UBE2D2: variants seen among roughly 807,000 people sequenced by gnomAD.
The protein encoded by UBE2D2 is ubiquitin conjugating enzyme E2 D2, also known as ubiquitin-conjugating enzyme E2 D2.
In UBE2D2, 2 loss-of-function variants were observed where a neutral mutation model predicts 24.2. That is an observed-to-expected ratio of 0.08 (90% confidence interval 0.03 to 0.26). The LOEUF (loss-of-function observed/expected upper bound fraction) is 0.26. Among genes scored for constraint, UBE2D2 ranks in the 10% least tolerant of loss-of-function variants. UBE2D2 has a pLI of 1.00. For synonymous variants in UBE2D2, 58 were observed against 56.5 expected (o/e 1.03, Z -0.12); for missense variants, 44 against 177.6 (o/e 0.25, Z 4.28).
chr5:139,575,352 G>T (rs1387466485), intron 1 of UBE2D2, among the ~76,000 whole-genome samples: 1 of 152,004 alleles, frequency 6.6e-6, no homozygotes, highest in Non-Finnish European at 1.5e-5. Context: ...CAATAATGTT[G>T]ACCTACGGAA....
intron 1 of UBE2D2, chr5:139,562,211 C>G: frequency 7.2e-7 from 1 of 1,380,600 alleles, no homozygotes; most frequent in Non-Finnish European, 9.6e-7. Flanking sequence ...CTTCTCGCCC[C>G]ATTTCTGTTC....
At chr5:139,581,877 C>T (rs1042343724) in intron 1 of UBE2D2, among the ~76,000 whole-genome samples, 14 of 152,232 alleles carry the variant, frequency 9.2e-5, no homozygotes, top group African/African-American at 2.9e-4. Context: ...CTATGTTGGT[C>T]AGGCTGGTTT....
At chr5:139,584,735 G>A (rs1215364538) in intron 1 of UBE2D2, among the ~76,000 whole-genome samples, 1 of 151,534 alleles carries the variant, frequency 6.6e-6, no homozygotes, top group African/African-American at 2.4e-5. Context: ...GTTTCACCAT[G>A]TTGGTCAGGC....
At chr5:139,562,013 G>T in intron 1 of UBE2D2, 198 bp downstream of exon 1, 1 of 875,828 alleles carries the variant, frequency 1.1e-6, no homozygotes, top group Non-Finnish European at 1.6e-6. Flanking sequence ...TAGGCCGGAG[G>T]TGCTCTCGCG....
At chr5:139,613,527 T>C (rs1217185525) in intron 2 of UBE2D2, among the ~76,000 whole-genome samples, 4 of 152,222 alleles carry the variant, frequency 2.6e-5, no homozygotes, top group African/African-American at 4.8e-5. Flanking sequence ...TTATAACTTA[T>C]TAGAAGTATC....
At chr5:139,544,345 T>C (rs552543015) in intron 1 of UBE2D2, among the ~76,000 whole-genome samples, 1 of 151,084 alleles carries the variant, frequency 6.6e-6, no homozygotes, top group East Asian at 2.0e-4. Context: ...TGGAGTGCAA[T>C]GGCGCGATCT....
At chr5:139,623,176 A>T (rs1349194920) in intron 5 of UBE2D2, among the ~76,000 whole-genome samples, 192 bp from the exon 6 acceptor site, 1 of 143,946 alleles carries the variant, frequency 6.9e-6, no homozygotes, top group Non-Finnish European at 1.5e-5. Context: ...CAATTCTGCT[A>T]AAAAAAAAAG....
chr5:139,584,753 G>C (rs777995770), intron 1 of UBE2D2, among the ~76,000 whole-genome samples: 1 of 151,454 alleles, frequency 6.6e-6, no homozygotes, highest in African/African-American at 2.4e-5. Flanking sequence ...GGCTGGTCTC[G>C]AACGCCTGAC....
At chr5:139,560,199 AT>A (rs34150521), upstream of UBE2D2, among the ~76,000 whole-genome samples, 86,929 of 107,230 alleles carry the variant, frequency 0.81, 35,082 homozygotes, top group African/African-American at 0.84. Flanking sequence ...ACTCTCGGCT[AT>A]TTTTTTTTTT....
chr5:139,550,071 C>G (rs1174942571), intron 1 of UBE2D2, among the ~76,000 whole-genome samples: 1 of 152,128 alleles, frequency 6.6e-6, no homozygotes, highest in African/African-American at 2.4e-5. Flanking sequence ...CCAATCAGTG[C>G]TCTGTGTCTA....
chr5:139,614,493 T>C, intron 2 of UBE2D2, 93 bp from the exon 3 acceptor site: 1 of 1,394,408 alleles, frequency 7.2e-7, no homozygotes, highest in East Asian at 2.3e-5. Context: ...TATTTATAAA[T>C]GAATTTGGAT....
intron 1 of UBE2D2, chr5:139,562,260 G>A: frequency 5.1e-6 from 7 of 1,359,480 alleles, no homozygotes; most frequent in Non-Finnish European, 6.8e-6. Flanking sequence ...CCACAAAACC[G>A]CCTGAGCTCG....
intron 1 of UBE2D2, among the ~76,000 whole-genome samples, chr5:139,562,719 GTTA>G (rs1181219402): frequency 6.6e-6 from 1 of 152,046 alleles, no homozygotes; most frequent in Non-Finnish European, 1.5e-5. Context: ...AAAGTGAAGG[GTTA>G]TTTAGTTATC....
chr5:139,584,624 C>G (rs575365561), intron 1 of UBE2D2, among the ~76,000 whole-genome samples: 1 of 144,760 alleles, frequency 6.9e-6, no homozygotes, highest in East Asian at 2.1e-4. Context: ...CCTCTGCCTC[C>G]TGGGTTCCAG....
Position 139,582,710 on chromosome 5 carries a change from G to T in UBE2D2, c.25-17662G>T, listed in dbSNP as rs568175296. ...TTTTGAGACAGAGTCTTGCTCTGTC[G>T]CCCAGGCTGGAGTGCAGTGGCTCAA... is the stretch of plus-strand genomic sequence containing the variant. On this transcript the variant is annotated intron_variant, in intron 1 of 6. Coordinates refer to ENST00000398733, the MANE Select transcript of UBE2D2 (RefSeq NM_003339.3). Among the ~76,000 whole-genome samples the T allele has an allele frequency of 2.3e-5, 3 of 130,858 alleles. No individual in the cohort carries two copies. In the East Asian group the frequency reaches 6.6e-4, roughly 29 times the overall value. 85.8% of individuals were successfully genotyped at this position (130,858 alleles called of 152,430 possible). A position where few individuals can be genotyped will look rare whatever the true frequency, so the allele number is the denominator to read the frequency against.
At chr5:139,604,969 C>A (rs1001667946) in intron 2 of UBE2D2, among the ~76,000 whole-genome samples, 4 of 151,690 alleles carry the variant, frequency 2.6e-5, no homozygotes, top group African/African-American at 9.7e-5. Context: ...GCTAAATGTC[C>A]TTTTGTCATT....
intron 1 of UBE2D2, among the ~76,000 whole-genome samples, chr5:139,592,117 GCTTGAA>G (rs1272131573): frequency 6.6e-6 from 1 of 152,130 alleles, no homozygotes; most frequent in Non-Finnish European, 1.5e-5. Flanking sequence ...CAGGAGAATT[GCTTGAA>G]CTTGGGAAAG....
At chr5:139,611,463 C>T (rs140471869) in intron 2 of UBE2D2, among the ~76,000 whole-genome samples, 1 of 152,206 alleles carries the variant, frequency 6.6e-6, no homozygotes, top group East Asian at 1.9e-4. Context: ...GCTGGGATTA[C>T]AGGCGTGAGC....
chr5:139,624,536 C>T (rs377487792), intron 6 of UBE2D2, among the ~76,000 whole-genome samples: 2 of 152,322 alleles, frequency 1.3e-5, no homozygotes, highest in African/African-American at 4.8e-5. Flanking sequence ...GCCTGTAACC[C>T]CAGCACTTTG....
Sources: gnomAD v4.1 joint callset for allele counts (sites outside exome capture counted in the v4.1 genomes callset) on GRCh38, gnomAD v4.1.1 for gene constraint, MANE v1.5 for transcripts, NCBI Gene and HGNC (gene_info 2026-07-23, HGNC 2026-07-21) for gene names.